Variants in BANP observed in about 807,000 individuals in gnomAD.
The protein encoded by BANP is BTG3 associated nuclear protein, also known as protein BANP.
A neutral mutation model predicts 68.1 loss-of-function variants in BANP; 11 were observed. The ratio of observed to expected loss-of-function variants is 0.16; its 90% confidence interval spans 0.10 to 0.27. BANP has a LOEUF of 0.27. BANP is among the 10% of genes least tolerant of loss of function. The probability of loss-of-function intolerance (pLI) is 1.00; values close to 1 mark genes in which losing one functional copy is unlikely to be tolerated. For missense variants in BANP, 504 were observed against 722.7 expected, an observed-to-expected ratio of 0.70 and a Z score of 3.47; for synonymous variants, 329 against 303.2, an observed-to-expected ratio of 1.09 and a Z score of -0.88.
chr16:88,025,470 C>CT (rs1469719014), intron 7 of BANP, among the ~76,000 whole-genome samples: 2 of 152,190 alleles, frequency 1.3e-5, no homozygotes, highest in Non-Finnish European at 2.9e-5. Flanking sequence ...AGGGCGGCTG[C>CT]TTCCTGTATG....
intron 7 of BANP, among the ~76,000 whole-genome samples, chr16:88,025,893 G>A (rs563003722): frequency 4.6e-5 from 7 of 152,288 alleles, no homozygotes; most frequent in Admixed American, 4.6e-4. Context: ...GTATTTTCCT[G>A]TAAATTAGTG....
At chr16:88,011,885 C>G (rs2073232016) in intron 6 of BANP, among the ~76,000 whole-genome samples, 1 of 152,076 alleles carries the variant, frequency 6.6e-6, no homozygotes, top group African/African-American at 2.4e-5. Context: ...TCCACTAGTA[C>G]CTGATGGGAA....
At chr16:87,993,874 T>G (rs915269810) in intron 4 of BANP, among the ~76,000 whole-genome samples, 8 of 152,210 alleles carry the variant, frequency 5.3e-5, no homozygotes, top group African/African-American at 1.9e-4. Context: ...GTGCTGGGAT[T>G]ACAGATGTGA....
chr16:88,033,482 T>A (rs1290978663), intron 9 of BANP, among the ~76,000 whole-genome samples: 1 of 152,126 alleles, frequency 6.6e-6, no homozygotes, highest in Non-Finnish European at 1.5e-5. Context: ...GGTGGGGCAT[T>A]CAGTCAGCTC....
intron 3 of BANP, among the ~76,000 whole-genome samples, chr16:87,982,952 A>G (rs12919517): frequency 0.66 from 100,516 of 151,908 alleles, 33,896 homozygotes; most frequent in African/African-American, 0.76. Flanking sequence ...TCCGGCTCCA[A>G]TGTGGGCCGG....
intron 2 of BANP, 88 bp from the exon 3 acceptor site, chr16:87,980,948 G>A (rs8052770): frequency 0.24 from 195,935 of 826,278 alleles, 28,632 homozygotes; most frequent in African/African-American, 0.53. Context: ...CAACCTTAAG[G>A]TGTCAGCACT....
chr16:88,059,764 A>C (rs1319576567), intron 11 of BANP, among the ~76,000 whole-genome samples: 2 of 152,142 alleles, frequency 1.3e-5, no homozygotes, highest in Non-Finnish European at 2.9e-5. Flanking sequence ...TACCAGCTGC[A>C]CTGTCGGACG....
chr16:87,986,564 G>A (rs2064479414), intron 4 of BANP, among the ~76,000 whole-genome samples: 1 of 127,776 alleles, frequency 7.8e-6, no homozygotes. Flanking sequence ...TGAGTTTCTA[G>A]TTTAAGATAA....
intron 11 of BANP, among the ~76,000 whole-genome samples, chr16:88,059,031 T>C (rs560547493): frequency 2.4e-4 from 37 of 151,856 alleles, no homozygotes; most frequent in African/African-American, 8.7e-4. Context: ...GGATGTTGCC[T>C]GGTCGGAACC....
At position 88,003,920 on chromosome 16, in the gene BANP, T is replaced by C. The variant is rs990862180; in HGVS notation, c.363-375T>C. The C allele has an allele frequency of 9.9e-6, 3 of 304,402 alleles. No individual in the cohort carries two copies. Among genetic ancestry groups the C allele is most frequent in the Admixed American group, 4.8e-5 (1 of 20,654 alleles). 18.9% of individuals were successfully genotyped at this position (304,402 alleles called of 1,614,324 possible). ...ACTGAAAATGTCAAGCCAGTTCTCA[T>C]GCAAGTGTGCCACCCTAGAAGCTTT... On this transcript the variant is annotated intron_variant, in intron 4 of 13. Transcript: ENST00000682872. This position sits in a 1 kb window ranked among gnomAD's most constrained non-coding sequence, Gnocchi z 6.1.
At chr16:88,049,212 G>A (rs1394836662) in intron 11 of BANP, among the ~76,000 whole-genome samples, 2 of 152,194 alleles carry the variant, frequency 1.3e-5, no homozygotes, top group Non-Finnish European at 2.9e-5. Flanking sequence ...CTGGCCAACC[G>A]GCTTCAGGTT....
intron 11 of BANP, among the ~76,000 whole-genome samples, chr16:88,048,606 G>A (rs537197543): frequency 1.3e-5 from 2 of 151,868 alleles, no homozygotes; most frequent in African/African-American, 2.4e-5. Context: ...CAGTGTTCTC[G>A]GTATTAAATC....
At chr16:87,962,890 C>G (rs964068364) in intron 1 of BANP, among the ~76,000 whole-genome samples, 2 of 152,230 alleles carry the variant, frequency 1.3e-5, no homozygotes, top group South Asian at 4.1e-4. Flanking sequence ...GACTTCTTCA[C>G]ATGTCTCAGT....
intron 1 of BANP, among the ~76,000 whole-genome samples, chr16:87,972,007 G>C (rs572776996): frequency 2.6e-5 from 4 of 152,148 alleles, no homozygotes; most frequent in Admixed American, 2.6e-4. Context: ...TGCCCAGGCT[G>C]CTCTTGAGCT....
At position 88,072,064 on chromosome 16, in the gene BANP, T is replaced by C; in HGVS notation, c.1378-5T>C. ...GCTGACGGGCCCCCGTGTGTCTCCC[T>C]CCAGGTGCTGCAGGGTGCACAGCTG... is the stretch of plus-strand genomic sequence containing the variant. On this transcript the variant is annotated splice_polypyrimidine_tract_variant and splice_region_variant and intron_variant, in intron 12 of 13. Coordinates refer to ENST00000682872, the MANE Select transcript of BANP (RefSeq NM_001386991.1). 1 of 1,568,744 alleles carries C rather than the reference T, an allele frequency of 6.4e-7. No individual in the cohort carries two copies. The highest frequency in any genetic ancestry group is 8.6e-7 in the Non-Finnish European group (1 of 1,159,002).
At chr16:88,037,717 C>T in intron 10 of BANP, 1 of 513,770 alleles carries the variant, frequency 1.9e-6, no homozygotes, top group Middle Eastern at 5.1e-4. Context: ...ATGACATTTT[C>T]ATTTGGGGTC....
At chr16:88,044,575 G>C (rs1248596394) in intron 11 of BANP, among the ~76,000 whole-genome samples, 1 of 152,238 alleles carries the variant, frequency 6.6e-6, no homozygotes, top group African/African-American at 2.4e-5. Flanking sequence ...TACTGGAATA[G>C]ATGATCGCTA....
intron 4 of BANP, among the ~76,000 whole-genome samples, chr16:87,985,720 T>A (rs879715465): frequency 9.2e-5 from 14 of 152,332 alleles, no homozygotes; most frequent in Non-Finnish European, 1.8e-4. Context: ...CCTGGTATGT[T>A]GCGTCCTGGT....
chr16:87,995,783 C>G (rs1183759181), intron 4 of BANP, among the ~76,000 whole-genome samples: 1 of 152,218 alleles, frequency 6.6e-6, no homozygotes, highest in Non-Finnish European at 1.5e-5. Flanking sequence ...GTGATTGACT[C>G]CACAGGTAAC....
Sources: gnomAD v4.1 joint callset for allele counts (sites outside exome capture counted in the v4.1 genomes callset) on GRCh38, gnomAD v4.1.1 for gene constraint, Gnocchi (gnomAD v3.1) non-coding constraint, MANE v1.5 for transcripts, NCBI Gene and HGNC (gene_info 2026-07-23, HGNC 2026-07-21) for gene names.